The following NPAS3 variants were observed in gnomAD, a reference collection of about 807,000 sequenced individuals.
The protein encoded by NPAS3 is neuronal PAS domain protein 3.
In NPAS3, 14 loss-of-function variants were observed where a neutral mutation model predicts 73.1. The ratio of observed to expected loss-of-function variants is 0.19; its 90% CI spans 0.13 to 0.30. NPAS3 has a LOEUF of 0.30. Ranked by LOEUF, NPAS3 falls within the 10% of genes least tolerant of loss-of-function variation. The pLI, the probability that NPAS3 is intolerant of heterozygous loss-of-function variation, is 1.00. For synonymous variants in NPAS3, 620 were observed against 541.5 expected, an observed-to-expected ratio of 1.14 and a Z score of -2.01; for missense variants, 1,096 against 1,250.0, an observed-to-expected ratio of 0.88 and a Z score of 1.86.
At chr14:33,318,364 A>G (rs982286339) in intron 3 of NPAS3, among the ~76,000 whole-genome samples, 4 of 152,130 alleles carry the variant, frequency 2.6e-5, no homozygotes, top group African/African-American at 9.7e-5. Context: ...GGGAATTGTC[A>G]TTTAAAGTGT....
upstream of NPAS3, chr14:32,939,270 G>C (rs576452392): frequency 2.2e-5 from 15 of 687,682 alleles, no homozygotes; most frequent in African/African-American, 1.5e-4. Flanking sequence ...CCACCCGGGA[G>C]GGGGGAGAGA....
chr14:33,733,285 C>T (rs2061443402), intron 6 of NPAS3, among the ~76,000 whole-genome samples: 1 of 151,218 alleles, frequency 6.6e-6, no homozygotes. Context: ...TTAAGTCTAA[C>T]CTTAAATGTA....
At chr14:33,124,192 T>C (rs1286659881) in intron 2 of NPAS3, among the ~76,000 whole-genome samples, 1 of 152,052 alleles carries the variant, frequency 6.6e-6, no homozygotes, top group Non-Finnish European at 1.5e-5. Flanking sequence ...TGTACATTTC[T>C]TTGGGAAACT....
intron 2 of NPAS3, among the ~76,000 whole-genome samples, chr14:33,125,277 A>G (rs1232092690): frequency 6.6e-6 from 1 of 150,950 alleles, no homozygotes; most frequent in African/African-American, 2.5e-5. Context: ...CATATATGAG[A>G]TATGATTTAA....
intron 6 of NPAS3, among the ~76,000 whole-genome samples, chr14:33,728,205 C>T (rs2061319931): frequency 6.6e-6 from 1 of 152,180 alleles, no homozygotes; most frequent in African/African-American, 2.4e-5. Flanking sequence ...TGAAAGGCAA[C>T]CTCATGCATT....
At chr14:33,087,109 T>TATA (rs151329508) in intron 2 of NPAS3, among the ~76,000 whole-genome samples, 7 of 129,900 alleles carry the variant, frequency 5.4e-5, no homozygotes, top group African/African-American at 1.2e-4. Context: ...TATAATATTG[T>TATA]ATAATATAGT....
chr14:33,244,678 A>G (rs577073932), intron 3 of NPAS3, among the ~76,000 whole-genome samples: 6 of 152,326 alleles, frequency 3.9e-5, no homozygotes, highest in African/African-American at 1.4e-4. Context: ...AGTCAGTATT[A>G]TAATACTCTT....
intron 2 of NPAS3, among the ~76,000 whole-genome samples, chr14:33,163,748 G>C (rs2045009042): frequency 6.7e-6 from 1 of 150,024 alleles, no homozygotes; most frequent in Non-Finnish European, 1.5e-5. Context: ...GCTAGTTTAA[G>C]TAATGTGCCA....
At chr14:33,542,963 G>T (rs948766550) in intron 4 of NPAS3, among the ~76,000 whole-genome samples, 1 of 152,196 alleles carries the variant, frequency 6.6e-6, no homozygotes, top group Admixed American at 6.5e-5. Flanking sequence ...TTGTCAAGGG[G>T]ATGAAAGGCT....
intron 2 of NPAS3, among the ~76,000 whole-genome samples, chr14:33,172,104 C>T (rs544090010): frequency 1.3e-5 from 2 of 152,240 alleles, no homozygotes; most frequent in African/African-American, 4.8e-5. Flanking sequence ...TCAAAGATCA[C>T]TGATCACCCA....
chr14:33,109,351 T>C (rs1035121455), intron 2 of NPAS3, among the ~76,000 whole-genome samples: 4 of 152,198 alleles, frequency 2.6e-5, no homozygotes, highest in Non-Finnish European at 4.4e-5. Context: ...TGGTTCATTT[T>C]GGTTTTTTGT....
chr14:33,507,985 G>A (rs1284234195), intron 4 of NPAS3, among the ~76,000 whole-genome samples: 1 of 151,866 alleles, frequency 6.6e-6, no homozygotes, highest in African/African-American at 2.4e-5. Context: ...TCATCAAGAC[G>A]CTGAGAGGCT....
chr14:33,596,215 A>G (rs948018973), intron 5 of NPAS3, among the ~76,000 whole-genome samples: 2 of 152,198 alleles, frequency 1.3e-5, no homozygotes, highest in African/African-American at 4.8e-5. Context: ...ATAAATATTG[A>G]AAGTGCAGTT....
intron 3 of NPAS3, among the ~76,000 whole-genome samples, chr14:33,252,949 G>C (rs935345486): frequency 3.3e-5 from 5 of 151,974 alleles, no homozygotes; most frequent in African/African-American, 1.2e-4. Context: ...AGCTCCATCC[G>C]TGTTGCTGCA....
At chr14:33,425,732 T>A (rs1416542314) in intron 4 of NPAS3, among the ~76,000 whole-genome samples, 1 of 152,086 alleles carries the variant, frequency 6.6e-6, no homozygotes, top group African/African-American at 2.4e-5. Context: ...TCAGACTTGT[T>A]TTTGTATCGT....
At chr14:33,182,327 G>A (rs909968764) in intron 2 of NPAS3, among the ~76,000 whole-genome samples, 4 of 152,030 alleles carry the variant, frequency 2.6e-5, no homozygotes, top group Non-Finnish European at 5.9e-5. Flanking sequence ...TTGGAATTTT[G>A]AACGCTTTTC....
intron 4 of NPAS3, among the ~76,000 whole-genome samples, chr14:33,476,819 G>A (rs543792532): frequency 2.0e-5 from 3 of 152,108 alleles, no homozygotes; most frequent in Non-Finnish European, 2.9e-5. Context: ...TTTGCCTGCT[G>A]TGCCTTTCTT....
At chr14:33,122,831 G>T (rs1035315182) in intron 2 of NPAS3, among the ~76,000 whole-genome samples, 2 of 151,942 alleles carry the variant, frequency 1.3e-5, no homozygotes, top group Non-Finnish European at 2.9e-5. Flanking sequence ...AAACTTAAGG[G>T]GCTACTTTGA....
At chr14:33,616,139 T>G (rs2140072548) in intron 5 of NPAS3, among the ~76,000 whole-genome samples, 1 of 152,318 alleles carries the variant, frequency 6.6e-6, no homozygotes. Flanking sequence ...CCTTGACACT[T>G]TTCTTAAGCC....
Sources: allele counts gnomAD v4.1 joint callset (sites outside exome capture counted in the v4.1 genomes callset), GRCh38; gene constraint gnomAD v4.1.1; transcripts MANE v1.5; gene names NCBI Gene and HGNC (gene_info 2026-07-23, HGNC 2026-07-21).